MYO1E: variants seen among roughly 807,000 people sequenced by gnomAD.
MYO1E encodes myosin IE, also known as unconventional myosin-Ie.
In MYO1E, 68 loss-of-function variants were observed where a neutral mutation model predicts 151.1. The observed-to-expected ratio is 0.45, with a 90% confidence interval of 0.37 to 0.55. The LOEUF is 0.55. Ranked by LOEUF, MYO1E falls within the 20% of genes least tolerant of loss-of-function variation. MYO1E has a pLI of 0.00. For missense variants in MYO1E, 1,363 were observed against 1,389.3 expected (o/e 0.98, Z 0.30); for synonymous variants, 601 against 501.7 (o/e 1.20, Z -2.64).
In MYO1E at chr15:59,261,507, T is replaced by G. The variant is rs779392652; in HGVS notation, c.150A>C (p.Thr50=). ...KKRYMDDYIF[T]YIGSVLISVN... is the part of the protein sequence containing the mutation. The stretch of plus-strand genomic sequence containing the variant: ...CTGAGATTAATACAGATCCTATATA[T>G]GTCTGAATTTAACTCAGTTAAGGTC... The change falls in exon 3 of 28, where the codon ACA becomes ACC. Residue 50 remains threonine, a splice_region_variant and synonymous_variant. Coordinates refer to ENST00000288235, the MANE Select transcript of MYO1E (RefSeq NM_004998.4). The G allele has an allele frequency of 2.5e-6, 4 of 1,586,470 alleles. No individual in the cohort carries two copies. The African/African-American group carries it at 5.4e-5, about 21-fold the overall frequency.
At position 59,223,080 on chromosome 15, in the gene MYO1E, C is replaced by T. The variant is rs1027806597; in HGVS notation, c.889G>A (p.Ala297Thr). 2.5e-6 allele frequency: 4 copies of T among 1,614,018 alleles called. No homozygotes were observed. The highest frequency in any genetic ancestry group is 1.3e-5 in the African/African-American group (1 of 75,018). ...NISFKEVGNY[A>T]AVESEEFLAF... ...GCACACTCTTCACTCTCCACAGCCG[C>T]GTAGTTGCCAACTTCTTTGAAGCTG... The change falls in exon 9 of 28, where the codon GCG becomes ACG. Residue 297 changes from alanine to threonine, a missense_variant. Ala to Thr is a moderately conservative substitution (Grantham distance 58). Coordinates refer to ENST00000288235, the MANE Select transcript of MYO1E (RefSeq NM_004998.4).
intron 1 of MYO1E, among the ~76,000 whole-genome samples, chr15:59,327,831 T>C (rs923718210): frequency 1.3e-4 from 20 of 152,228 alleles, no homozygotes; most frequent in Non-Finnish European, 2.1e-4. Context: ...AACTTGTACA[T>C]GAAGGGGCTG....
At chr15:59,258,332 G>A (rs1163423787) in intron 3 of MYO1E, among the ~76,000 whole-genome samples, 3 of 152,316 alleles carry the variant, frequency 2.0e-5, no homozygotes, top group Middle Eastern at 3.4e-3. Flanking sequence ...GGTGAAGAGC[G>A]AGACTCCGTC....
chr15:59,345,911 G>T (rs2080791575), intron 1 of MYO1E, among the ~76,000 whole-genome samples: 1 of 152,212 alleles, frequency 6.6e-6, no homozygotes, highest in African/African-American at 2.4e-5. Context: ...GAGGGATGAG[G>T]TTTTATCCAG....
chr15:59,266,460 A>G (rs1243004580), intron 2 of MYO1E, among the ~76,000 whole-genome samples: 2 of 152,318 alleles, frequency 1.3e-5, no homozygotes, highest in East Asian at 1.9e-4. Flanking sequence ...CCGTGGATCT[A>G]TCAGTTTTCA....
At chr15:59,351,664 T>C (rs1471322584) in intron 1 of MYO1E, among the ~76,000 whole-genome samples, 1 of 152,044 alleles carries the variant, frequency 6.6e-6, no homozygotes, top group African/African-American at 2.4e-5. Context: ...GTTCCCAGTG[T>C]AAGACAATGC....
rs537553432 is a variant in MYO1E, at chr15:59,138,447, C to T, written c.3081-80G>A. 2.2e-5 allele frequency: 33 copies of T among 1,474,844 alleles called. No individual in the cohort carries two copies. The African/African-American group carries it at 2.9e-4, about 13-fold the overall frequency. The allele number at this position is 1,474,844 out of a possible 1,614,324, so 91.4% of individuals were successfully genotyped here. A position where few individuals can be genotyped will look rare whatever the true frequency, so the allele number is the denominator to read the frequency against. On this transcript the variant is annotated intron_variant, in intron 26 of 27. Transcript: ENST00000288235. ...GAACGGTGGTTTGGAGCATGGCGGC[C>T]GGCACTGGCCTGTTCAAGTTCAAAT... is the stretch of plus-strand genomic sequence containing the variant.
At chr15:59,250,180 T>C (rs866947858) in intron 4 of MYO1E, among the ~76,000 whole-genome samples, 1 of 151,952 alleles carries the variant, frequency 6.6e-6, no homozygotes, top group African/African-American at 2.4e-5. Context: ...CTAAGAGGAG[T>C]GCTTTTCCTT....
intron 17 of MYO1E, among the ~76,000 whole-genome samples, chr15:59,195,134 T>G (rs1212634540): frequency 3.9e-5 from 6 of 152,166 alleles, no homozygotes; most frequent in African/African-American, 7.2e-5. Context: ...GGACTAAGAA[T>G]GTCTACACAG....
chr15:59,263,436 T>C (rs933186652), intron 2 of MYO1E, among the ~76,000 whole-genome samples: 1 of 152,160 alleles, frequency 6.6e-6, no homozygotes, highest in Non-Finnish European at 1.5e-5. Context: ...ATGTTTCAAG[T>C]GTGGCTTAAC....
rs34694267 is a variant in MYO1E, at chr15:59,191,332, C to CAGAGAG, written c.1806-3122_1806-3117dup. Among the ~76,000 whole-genome samples the CAGAGAG allele has an allele frequency of 7.0e-3, 738 of 105,724 alleles. 14 individuals are homozygous for CAGAGAG. The highest frequency in any genetic ancestry group is 0.02 in the African/African-American group (584 of 29,022). The allele number at this position is 105,724 out of a possible 152,430, so 69.4% of individuals were successfully genotyped here. On this transcript the variant is annotated intron_variant, in intron 17 of 27. Coordinates refer to ENST00000288235, the MANE Select transcript of MYO1E (RefSeq NM_004998.4). Reference sequence around the variant, plus strand: ...CCCATATAAGTCAGACAGACAGAGACAGAGAGAGAGAGAGAGAGAGAGAGA... The same window carrying CAGAGAG: ...CCCATATAAGTCAGACAGACAGAGACAGAGAGAGAGAGAGAGAGAGAGAGAGAGAGA...
At chr15:59,298,123 A>G (rs908852683) in intron 1 of MYO1E, among the ~76,000 whole-genome samples, 1 of 152,306 alleles carries the variant, frequency 6.6e-6, no homozygotes, top group Middle Eastern at 3.4e-3. Flanking sequence ...AATTTTTCCT[A>G]TTACAAATGC....
At chr15:59,157,666 G>C (rs1272005163) in intron 25 of MYO1E, among the ~76,000 whole-genome samples, 1 of 152,220 alleles carries the variant, frequency 6.6e-6, no homozygotes, top group African/African-American at 2.4e-5. Context: ...ATGCCAAAGA[G>C]AAGCCATTAA....
At chr15:59,348,636 T>G (rs1596436583) in intron 1 of MYO1E, 1 of 119,122 alleles carries the variant, frequency 8.4e-6, no homozygotes, top group South Asian at 2.2e-4. Context: ...TTCAATATCA[T>G]TTTTTTTTTT....
Position 59,239,681 on chromosome 15 carries a change from G to A in MYO1E, c.333-3009C>T, listed in dbSNP as rs148929701. The stretch of plus-strand genomic sequence containing the variant: ...ATAAGTATACCAGTTCCAAAAATAG[G>A]ATATCTGCATTCTCAGCAACTATGA... On this transcript the variant is annotated intron_variant, in intron 4 of 27. Transcript: ENST00000288235. Among the ~76,000 whole-genome samples, 501 of 152,192 alleles carry A rather than the reference G, an allele frequency of 3.3e-3. 4 individuals carry two copies. Among genetic ancestry groups the A allele is most frequent in the African/African-American group, 0.012 (479 of 41,530 alleles).
chr15:59,334,751 T>C (rs2080718434), intron 1 of MYO1E, among the ~76,000 whole-genome samples: 1 of 152,216 alleles, frequency 6.6e-6, no homozygotes, highest in South Asian at 2.1e-4. Flanking sequence ...CCAGTCACAA[T>C]GCTGGGTCTT....
intron 17 of MYO1E, among the ~76,000 whole-genome samples, chr15:59,193,937 G>A (rs2079749927): frequency 6.6e-6 from 1 of 152,174 alleles, no homozygotes; most frequent in East Asian, 1.9e-4. Context: ...AGCACTTTGG[G>A]AGGCCGAGGC....
At position 59,352,471 on chromosome 15, in the gene MYO1E, G is replaced by T. The variant is rs75721471; in HGVS notation, c.3+20027C>A. On this transcript the variant is annotated intron_variant, in intron 1 of 27. Coordinates refer to ENST00000288235, the MANE Select transcript of MYO1E (RefSeq NM_004998.4). ...TATCCCAGGGATGCCCACGCTATTAGTCCGTGGACCCACAACCTAAATACG... is the reference window on the plus strand; with the variant it reads ...TATCCCAGGGATGCCCACGCTATTATTCCGTGGACCCACAACCTAAATACG... 4.5e-4 allele frequency among the ~76,000 whole-genome samples: 69 copies of T among 152,230 alleles called. 1 individual carries two copies. The East Asian group carries it at 0.012, about 26-fold the overall frequency.
At chr15:59,291,495 C>A (rs1462974558) in intron 1 of MYO1E, among the ~76,000 whole-genome samples, 1 of 151,922 alleles carries the variant, frequency 6.6e-6, no homozygotes, top group Non-Finnish European at 1.5e-5. Context: ...AACAAAAGCA[C>A]ATTTCAATTA....
Sources: gnomAD v4.1 joint callset for allele counts (sites outside exome capture counted in the v4.1 genomes callset) on GRCh38, gnomAD v4.1.1 for gene constraint, MANE v1.5 for transcripts, NCBI Gene and HGNC (gene_info 2026-07-23, HGNC 2026-07-21) for gene names.